Variants in CERCAM observed in about 807,000 individuals in gnomAD.
CERCAM encodes the protein cerebral endothelial cell adhesion molecule, also known as inactive glycosyltransferase 25 family member 3.
In CERCAM, 59 loss-of-function variants were observed where a neutral mutation model predicts 66.0. The observed-to-expected ratio is 0.89, with a 90% CI of 0.73 to 1.11. CERCAM has a LOEUF of 1.11. Ranked by LOEUF, CERCAM falls within the 50% of genes most tolerant of loss-of-function variation. The probability of loss-of-function intolerance (pLI) is 0.00; values close to 1 mark genes in which losing one functional copy is unlikely to be tolerated. For missense variants in CERCAM, 840 were observed against 828.3 expected (o/e 1.01, Z -0.17); for synonymous variants, 318 against 343.6 (o/e 0.93, Z 0.83).
At chr9:128,421,535 G>A in intron 1 of CERCAM, 1 of 986,948 alleles carries the variant, frequency 1.0e-6, no homozygotes, top group Non-Finnish European at 1.2e-6. Flanking sequence ...TCAGCACTGG[G>A]CTCCGGGCTG....
chr9:128,423,628 A>G (rs1351554539), intron 3 of CERCAM, among the ~76,000 whole-genome samples: 7 of 151,894 alleles, frequency 4.6e-5, no homozygotes, highest in African/African-American at 9.7e-5. Context: ...AAAAAAAAAA[A>G]AAAAAGAAAA....
chr9:128,430,682 CT>C (rs1833953901), intron 8 of CERCAM: 1 of 152,742 alleles, frequency 6.5e-6, no homozygotes, highest in Admixed American at 6.5e-5. Flanking sequence ...TCACCCCTGT[CT>C]TATCATATTA....
chr9:128,422,584 T>G, intron 1 of CERCAM: 2 of 354,838 alleles, frequency 5.6e-6, no homozygotes, highest in Admixed American at 8.1e-5. Context: ...AATGCATTAT[T>G]CTTCTCTTAT....
At chr9:128,423,310 C>T (rs769187921) in intron 3 of CERCAM, 47 bp downstream of exon 3, 10 of 1,488,622 alleles carry the variant, frequency 6.7e-6, no homozygotes, top group African/African-American at 2.8e-5. Context: ...CGGTAGTATC[C>T]GTCCCTGATA....
At position 128,436,973 on chromosome 9, in the gene CERCAM, C is replaced by G. The variant is rs1410111424; in HGVS notation, c.*125C>G. 1 of 152,300 alleles carries G rather than the reference C, an allele frequency of 6.6e-6. No homozygotes were observed. 9.4% of individuals were successfully genotyped at this position (152,300 alleles called of 1,614,324 possible). On this transcript the variant is annotated 3_prime_UTR_variant, in exon 13 of 13. Transcript: ENST00000372838. Reference sequence around the variant, plus strand: ...CTGGCCACCACCTTGGGCATGGCCACTCTGCCCTCTGGACCTGTCTTTCAT... The same window carrying G: ...CTGGCCACCACCTTGGGCATGGCCAGTCTGCCCTCTGGACCTGTCTTTCAT...
At chr9:128,429,476 T>C (rs1006859788) in intron 8 of CERCAM, among the ~76,000 whole-genome samples, 1 of 152,190 alleles carries the variant, frequency 6.6e-6, no homozygotes, top group Non-Finnish European at 1.5e-5. Context: ...CTTGAGCTAC[T>C]GATGCGTGGG....
intron 9 of CERCAM, among the ~76,000 whole-genome samples, chr9:128,433,211 G>A (rs898849596): frequency 4.6e-5 from 7 of 150,660 alleles, no homozygotes; most frequent in East Asian, 1.9e-4. Flanking sequence ...CCCAGGAGGC[G>A]GAGCATGCAG....
intron 9 of CERCAM, among the ~76,000 whole-genome samples, chr9:128,433,772 T>G (rs539250583): frequency 1.2e-4 from 19 of 152,184 alleles, no homozygotes; most frequent in Non-Finnish European, 2.5e-4. Context: ...CATCCCTGCA[T>G]GTCCACCTCC....
chr9:128,435,936 C>T (rs2131346474), intron 12 of CERCAM, 31 bp downstream of exon 12: 1 of 1,568,676 alleles, frequency 6.4e-7, no homozygotes. Flanking sequence ...GGCCCCAGCC[C>T]CGTAGACCTT....
chr9:128,425,369 T>C (rs1411630076), intron 5 of CERCAM, among the ~76,000 whole-genome samples: 1 of 151,866 alleles, frequency 6.6e-6, no homozygotes, highest in Non-Finnish European at 1.5e-5. Flanking sequence ...TGAAAGTTAC[T>C]AGAAAGAGTT....
intron 8 of CERCAM, 157 bp from the exon 9 acceptor site, chr9:128,431,014 A>G (rs1473239069): frequency 3.4e-6 from 3 of 875,752 alleles, no homozygotes; most frequent in Non-Finnish European, 3.5e-6. Context: ...CCCCAGGTCC[A>G]GTCCCTTGAC....
chr9:128,434,099 C>T lies in CERCAM; in HGVS notation c.1204-3C>T, dbSNP rs1427272065. The T allele has an allele frequency of 7.4e-6, 12 of 1,613,914 alleles. No individual in the cohort carries two copies. In the Middle Eastern group the frequency reaches 4.9e-4, roughly 66 times the overall value. On this transcript the variant is annotated splice_region_variant and splice_polypyrimidine_tract_variant and intron_variant, in intron 9 of 12. Transcript: ENST00000372838. The surrounding 1 kb of genome is among the most constrained non-coding windows in gnomAD (Gnocchi z 4.5). Reference sequence around the variant, plus strand: ...CCATCTCCCACCCCATTGTATGCCACAGGTGGTTGCCAGGGGCCTGGCCCG... The same window carrying T: ...CCATCTCCCACCCCATTGTATGCCATAGGTGGTTGCCAGGGGCCTGGCCCG...
At position 128,428,348 on chromosome 9, in the gene CERCAM, T is replaced by A; in HGVS notation, c.813T>A (p.Asn271Lys). Residue 271 changes from asparagine (N) to lysine (K), a missense_variant, in exon 6 of 13, where the codon AAT becomes AAA. By Grantham distance (94) the Asn-to-Lys change is moderately conservative. Coordinates refer to ENST00000372838, the MANE Select transcript of CERCAM (RefSeq NM_016174.5). ...VCNEHRYGYM[N>K]VPVKSHQGLE... is the part of the protein sequence containing the mutation. Reference sequence around the variant, plus strand: ...ATGAGCACCGTTATGGGTACATGAATGTGCCGGTGAAATCCCACCAGGGGC... The same window carrying A: ...ATGAGCACCGTTATGGGTACATGAAAGTGCCGGTGAAATCCCACCAGGGGC... 6.2e-7 allele frequency: 1 copy of A among 1,614,096 alleles called. No individual in the cohort carries two copies. Among genetic ancestry groups the A allele is most frequent in the South Asian group, 1.1e-5 (1 of 91,080 alleles).
At chr9:128,435,373 A>G (rs1043182341) in intron 11 of CERCAM, among the ~76,000 whole-genome samples, 2 of 152,140 alleles carry the variant, frequency 1.3e-5, no homozygotes, top group African/African-American at 4.8e-5. Context: ...ACTTCAGGTG[A>G]TCCGCCCGTC....
intron 1 of CERCAM, chr9:128,422,665 C>T: frequency 1.8e-6 from 1 of 556,706 alleles, no homozygotes; most frequent in Non-Finnish European, 3.2e-6. Flanking sequence ...AAAGATGGGA[C>T]TTGCCTGAGG....
rs375380533 is a variant in CERCAM at position 128,424,304 on chromosome 9, G to A, written c.561+32G>A. 19 of 1,612,954 alleles carry A rather than the reference G, an allele frequency of 1.2e-5. No individual in the cohort carries two copies. The African/African-American group carries it at 2.5e-4, about 22-fold the overall frequency. The stretch of plus-strand genomic sequence containing the variant: ...CCGGGATGGGGGCCTTGGGTGGACT[G>A]AGGTCCTGGAAGGAGGGACGTGGAG... On this transcript the variant is annotated intron_variant, in intron 4 of 12. Coordinates refer to ENST00000372838, the MANE Select transcript of CERCAM (RefSeq NM_016174.5).
At position 128,424,566 on chromosome 9, in the gene CERCAM, T is replaced by TG; in HGVS notation, c.720dup (p.Pro241AlafsTer24). ...CTACCCGCCACATCCCAACTACACT[T>TG]GGCCTTTCGACGACATCATCGTCTT... On this transcript the variant is annotated frameshift_variant, in exon 5 of 13. Coordinates refer to ENST00000372838, the MANE Select transcript of CERCAM (RefSeq NM_016174.5). LOFTEE classifies it high-confidence loss of function. 1 of 1,614,192 alleles carries TG rather than the reference T, an allele frequency of 6.2e-7. No individual in the cohort carries two copies.
intron 8 of CERCAM, among the ~76,000 whole-genome samples, chr9:128,429,741 G>A (rs118155123): frequency 0.017 from 2,635 of 151,992 alleles, 41 homozygotes; most frequent in Non-Finnish European, 0.021. Context: ...AGCCTTCTGA[G>A]TAACTGGGAC....
chr9:128,429,170 A>T (rs1051041107), intron 8 of CERCAM, 134 bp downstream of exon 8: 2 of 644,426 alleles, frequency 3.1e-6, no homozygotes, highest in Non-Finnish European at 5.3e-6. Flanking sequence ...ATAGGGTCTG[A>T]GTAATATCCT....
Sources: allele counts gnomAD v4.1 joint callset (sites outside exome capture counted in the v4.1 genomes callset), GRCh38; gene constraint gnomAD v4.1.1; non-coding constraint Gnocchi (gnomAD v3.1); transcripts MANE v1.5; gene names NCBI Gene and HGNC (gene_info 2026-07-23, HGNC 2026-07-21).